The following PLS3 variants were observed in gnomAD, a reference collection of about 807,000 sequenced individuals.
The protein encoded by PLS3 is plastin-3.
A neutral mutation model predicts 46.5 loss-of-function variants in PLS3; 11 were observed. That is an observed-to-expected ratio of 0.24 (90% CI 0.15 to 0.39). The LOEUF (loss-of-function observed/expected upper bound fraction) is 0.39. Among genes scored for constraint, PLS3 ranks in the 10% least tolerant of loss-of-function variants. PLS3 has a pLI of 1.00. For missense variants in PLS3, 308 were observed against 461.8 expected (o/e 0.67, Z 3.05); for synonymous variants, 167 against 162.2 (o/e 1.03, Z -0.22).
rs1426275198 is a variant in PLS3 at position 115,610,332 on chromosome X, T to A, written c.73+9T>A. On this transcript the variant is annotated intron_variant, in intron 2 of 15. Coordinates refer to ENST00000355899, the MANE Select transcript of PLS3 (RefSeq NM_005032.7). ...GGCCTTTGCAAAAGTTGGTGAGTAT[T>A]TTTTGTAGTAAAACTATAGGGAAGC... 1 of 1,025,675 alleles carries A rather than the reference T, an allele frequency of 9.7e-7. No individual in the cohort carries two copies. Among genetic ancestry groups the A allele is most frequent in the African/African-American group, 1.9e-5 (1 of 53,075 alleles). The allele number at this position is 1,025,675 out of a possible 1,213,427, so 84.5% of individuals were successfully genotyped here.
chrX:115,619,439 G>T (rs2074627747), intron 2 of PLS3, among the ~76,000 whole-genome samples: 1 of 112,044 alleles, frequency 8.9e-6, no homozygotes, highest in Admixed American at 9.5e-5. Context: ...TTAAGCCCAA[G>T]ACATTCATAA....
At chrX:115,614,351 A>G (rs1440190980) in intron 2 of PLS3, 13 of 746,426 alleles carry the variant, frequency 1.7e-5, no homozygotes, top group Non-Finnish European at 2.1e-5. Flanking sequence ...TCAGAAAAGG[A>G]CTGATAAACA....
intron 2 of PLS3, among the ~76,000 whole-genome samples, chrX:115,612,651 C>T (rs1226081811): frequency 9.0e-6 from 1 of 111,439 alleles, no homozygotes; most frequent in African/African-American, 3.3e-5. Flanking sequence ...TGATTATCTC[C>T]TTAGAAATTC....
intron 1 of PLS3, among the ~76,000 whole-genome samples, chrX:115,599,769 A>T (rs1241518904): frequency 9.3e-6 from 1 of 108,035 alleles, no homozygotes; most frequent in Non-Finnish European, 1.9e-5. Flanking sequence ...AGTAGCTGGG[A>T]CTACAGGCAC....
chrX:115,606,133 C>CT (rs1402824157), intron 1 of PLS3, among the ~76,000 whole-genome samples: 24 of 41,740 alleles, frequency 5.7e-4, no homozygotes, highest in African/African-American at 9.8e-4. Flanking sequence ...TATCTAATTT[C>CT]TTTTTTTTTT....
At chrX:115,593,989 C>G (rs1209454983) in intron 1 of PLS3, among the ~76,000 whole-genome samples, 1 of 108,690 alleles carries the variant, frequency 9.2e-6, no homozygotes, top group Non-Finnish European at 1.9e-5. Flanking sequence ...AAATTATTGT[C>G]TATATTTGTG....
At chrX:115,594,791 AAATT>A (rs2074373510) in intron 1 of PLS3, among the ~76,000 whole-genome samples, 1 of 110,854 alleles carries the variant, frequency 9.0e-6, no homozygotes, top group Admixed American at 9.7e-5. Flanking sequence ...TTAGGTATGA[AAATT>A]AATTAATTTC....
chrX:115,604,269 A>G (rs184230402), intron 1 of PLS3, among the ~76,000 whole-genome samples: 5 of 112,316 alleles, frequency 4.5e-5, no homozygotes. Context: ...GTAAAAGGCT[A>G]TTAGTAGAAC....
At chrX:115,643,680 A>G (rs2074920932) in intron 10 of PLS3, among the ~76,000 whole-genome samples, 172 bp downstream of exon 10, 1 of 112,380 alleles carries the variant, frequency 8.9e-6, no homozygotes, top group Non-Finnish European at 1.9e-5. Context: ...TTTAAAGTAA[A>G]GTAGTCGAGG....
chrX:115,601,274 T>C (rs1243563369), intron 1 of PLS3, among the ~76,000 whole-genome samples: 1 of 109,343 alleles, frequency 9.1e-6, no homozygotes, highest in Non-Finnish European at 1.9e-5. Context: ...GGAAGTAGCA[T>C]TGGAAAGATG....
At chrX:115,632,415 C>T (rs1280537492) in intron 5 of PLS3, among the ~76,000 whole-genome samples, 3 of 110,419 alleles carry the variant, frequency 2.7e-5, no homozygotes, top group Non-Finnish European at 3.8e-5. Context: ...ATTCGAGCTA[C>T]GATTTGGGCC....
chrX:115,607,602 G>A lies in PLS3; in HGVS notation c.-8-2641G>A. Among the ~76,000 whole-genome samples, 4 of 108,586 alleles carry A rather than the reference G, an allele frequency of 3.7e-5. 1 individual carries two copies. The Middle Eastern group carries it at 0.019, about 520-fold the overall frequency. 94.3% of individuals were successfully genotyped at this position (108,586 alleles called of 115,157 possible). A position where few individuals can be genotyped will look rare whatever the true frequency, so the allele number is the denominator to read the frequency against. Reference sequence around the variant, plus strand: ...CAACCTCTACCTCCCAGGTTCAAGCGATTCTCCTGCCTCACTCAACCTCCC... The same window carrying A: ...CAACCTCTACCTCCCAGGTTCAAGCAATTCTCCTGCCTCACTCAACCTCCC... On this transcript the variant is annotated intron_variant, in intron 1 of 15. Coordinates refer to ENST00000355899, the MANE Select transcript of PLS3 (RefSeq NM_005032.7).
chrX:115,636,743 C>T (rs1556640285), intron 7 of PLS3, 93 bp from the exon 8 acceptor site: 2 of 791,772 alleles, frequency 2.5e-6, no homozygotes, highest in East Asian at 6.3e-5. Context: ...TTTTGCACCT[C>T]TATTACTTAA....
chrX:115,632,345 C>T (rs1387375540), intron 5 of PLS3, among the ~76,000 whole-genome samples: 1 of 110,416 alleles, frequency 9.1e-6, no homozygotes, highest in Non-Finnish European at 1.9e-5. Flanking sequence ...CCTGTAATCC[C>T]AGGTACTTGG....
chrX:115,612,285 T>A (rs2147493628), intron 2 of PLS3, among the ~76,000 whole-genome samples: 1 of 111,522 alleles, frequency 9.0e-6, no homozygotes, highest in Admixed American at 9.6e-5. Context: ...CATATAAAAT[T>A]TATATATATT....
At chrX:115,591,660 G>A (rs974043100) in intron 1 of PLS3, among the ~76,000 whole-genome samples, 1 of 111,795 alleles carries the variant, frequency 8.9e-6, no homozygotes, top group African/African-American at 3.2e-5. Context: ...CTTACCTGAG[G>A]CAGTTTCCTA....
intron 2 of PLS3, 87 bp downstream of exon 2, chrX:115,610,410 A>G: frequency 8.8e-6 from 4 of 457,136 alleles, no homozygotes; most frequent in African/African-American, 4.9e-5. Flanking sequence ...ATGAATGGTT[A>G]ATCAAAAACA....
intron 1 of PLS3, among the ~76,000 whole-genome samples, chrX:115,590,161 T>C (rs1462028649): frequency 9.0e-6 from 1 of 111,731 alleles, no homozygotes; most frequent in Non-Finnish European, 1.9e-5. Flanking sequence ...CAGCCCGGCC[T>C]GAACTCTTAA....
chrX:115,573,751 T>G (rs2074231355), intron 1 of PLS3, among the ~76,000 whole-genome samples: 1 of 111,496 alleles, frequency 9.0e-6, no homozygotes, highest in African/African-American at 3.3e-5. Flanking sequence ...TTGCCCAGAC[T>G]GGAGTGCAGT....
Sources: gnomAD v4.1 joint callset for allele counts (sites outside exome capture counted in the v4.1 genomes callset) on GRCh38, gnomAD v4.1.1 for gene constraint, MANE v1.5 for transcripts, NCBI Gene and HGNC (gene_info 2026-07-23, HGNC 2026-07-21) for gene names.